Variants in ZNF606 observed in about 807,000 individuals in gnomAD.
ZNF606 encodes the protein zinc finger protein 328.
ZNF606 carries 37 observed loss-of-function variants against 74.9 expected under a neutral mutation model. The observed-to-expected ratio is 0.49, with a 90% CI of 0.38 to 0.65. The LOEUF is 0.65. Ranked by LOEUF, ZNF606 falls within the 30% of genes least tolerant of loss-of-function variation. The pLI, the probability that ZNF606 is intolerant of heterozygous loss-of-function variation, is 0.00. For missense variants in ZNF606, 852 were observed against 952.9 expected, an observed-to-expected ratio of 0.89 and a Z score of 1.39; for synonymous variants, 328 against 312.4, an observed-to-expected ratio of 1.05 and a Z score of -0.53.
chr19:57,988,358 G>C, intron 5 of ZNF606, 56 bp from the exon 6 acceptor site: 1 of 1,557,032 alleles, frequency 6.4e-7, no homozygotes, highest in Non-Finnish European at 8.8e-7. Context: ...GACAGCCAAA[G>C]AAAGCTTCTC....
At position 58,002,667 on chromosome 19, in the gene ZNF606, G is replaced by C. The variant is rs1410147480; in HGVS notation, c.-323C>G. The C allele has an allele frequency of 8.8e-6, 4 of 454,010 alleles. No individual in the cohort carries two copies. The highest frequency in any genetic ancestry group is 7.1e-5 in the Admixed American group (3 of 42,380). 28.1% of individuals were successfully genotyped at this position (454,010 alleles called of 1,614,324 possible). A position where few individuals can be genotyped will look rare whatever the true frequency, so the allele number is the denominator to read the frequency against. On this transcript the variant is annotated 5_prime_UTR_variant, in exon 1 of 7. Transcript: ENST00000551380. ...CGACGGCAACGACGGCGCAAAGCCG[G>C]CGCGGAAAGGGCAGGCGCAGGACCC...
Position 57,979,480 on chromosome 19 carries a change from A to G in ZNF606, c.1200T>C (p.Tyr400=), listed in dbSNP as rs2123260748. The part of the protein sequence containing the change: ...HTSTYTAEKP[Y]DYNECGTSFI... Reference sequence around the variant, plus strand: ...AAGACGTCCCACATTCATTGTAGTCATAGGGTTTCTCTGCAGTGTAAGTGC... The same window carrying G: ...AAGACGTCCCACATTCATTGTAGTCGTAGGGTTTCTCTGCAGTGTAAGTGC... The change falls in exon 7 of 7, where the codon TAT becomes TAC. Residue 400 remains tyrosine (Y), a synonymous_variant. Transcript: ENST00000551380. 1.2e-6 allele frequency: 2 copies of G among 1,614,156 alleles called. No homozygotes were observed. The highest frequency in any genetic ancestry group is 1.7e-6 in the Non-Finnish European group (2 of 1,180,018).
At chr19:57,984,968 G>A (rs534879126) in intron 6 of ZNF606, among the ~76,000 whole-genome samples, 69 of 152,152 alleles carry the variant, frequency 4.5e-4, no homozygotes, top group African/African-American at 1.5e-3. Context: ...GGTGTCGGGC[G>A]CCTGTAGTCC....
At chr19:57,994,579 C>T (rs2073306898) in intron 4 of ZNF606, among the ~76,000 whole-genome samples, 1 of 152,032 alleles carries the variant, frequency 6.6e-6, no homozygotes, top group Non-Finnish European at 1.5e-5. Flanking sequence ...ATTCAGAATG[C>T]ATGTGAAATA....
chr19:57,990,816 T>C (rs767600798), intron 4 of ZNF606, among the ~76,000 whole-genome samples: 5 of 152,204 alleles, frequency 3.3e-5, no homozygotes, highest in African/African-American at 4.8e-5. Context: ...TACCTTCACA[T>C]GATGGGCTTA....
intron 1 of ZNF606, chr19:58,002,183 C>T (rs915086330): frequency 2.2e-6 from 1 of 456,722 alleles, no homozygotes. Context: ...TTTAAGGGAA[C>T]CCGGAGCTGT....
At chr19:57,985,123 C>A (rs556995623) in intron 6 of ZNF606, among the ~76,000 whole-genome samples, 4 of 152,086 alleles carry the variant, frequency 2.6e-5, no homozygotes, top group South Asian at 4.1e-4. Context: ...ACAACAACAA[C>A]AAAAACACAA....
At chr19:57,994,179 T>C (rs766903174) in intron 4 of ZNF606, among the ~76,000 whole-genome samples, 5 of 151,530 alleles carry the variant, frequency 3.3e-5, no homozygotes, top group Non-Finnish European at 7.4e-5. Flanking sequence ...CTTCACAGAC[T>C]AAGAAAAGAA....
chr19:57,999,660 T>C, intron 4 of ZNF606, 148 bp downstream of exon 4: 1 of 761,554 alleles, frequency 1.3e-6, no homozygotes, highest in Non-Finnish European at 2.2e-6. Flanking sequence ...GGCCTAATTC[T>C]CCCTACCTGC....
intron 4 of ZNF606, among the ~76,000 whole-genome samples, chr19:57,992,880 A>AC (rs1252333128): frequency 1.3e-5 from 2 of 152,024 alleles, no homozygotes; most frequent in African/African-American, 2.4e-5. Flanking sequence ...GCTGAATAAC[A>AC]CCCCCCAAAG....
Position 57,979,580 on chromosome 19 carries a change from G to T in ZNF606, c.1100C>A (p.Thr367Asn). The T allele has an allele frequency of 6.2e-7, 1 of 1,613,026 alleles. No homozygotes were observed. The highest frequency in any genetic ancestry group is 1.7e-5 in the Admixed American group (1 of 59,896). ...SSFMEHQKIG[T>N]VEKAYKYNEW... is the part of the protein sequence containing the mutation. Reference sequence around the variant, plus strand: ...ATTGTATTTATACGCTTTCTCTACAGTACCAATTTTTTGATGTTCCATAAA... The same window carrying T: ...ATTGTATTTATACGCTTTCTCTACATTACCAATTTTTTGATGTTCCATAAA... Residue 367 changes from threonine to asparagine, a missense_variant, in exon 7 of 7, where the codon ACT (threonine) becomes AAT (asparagine). Physicochemically the swap from Thr to Asn is moderately conservative, Grantham distance 65. Coordinates refer to ENST00000551380, the MANE Select transcript of ZNF606 (RefSeq NM_001348022.3).
intron 6 of ZNF606, among the ~76,000 whole-genome samples, chr19:57,981,937 T>C (rs1271023395): frequency 6.6e-6 from 1 of 152,234 alleles, no homozygotes; most frequent in African/African-American, 2.4e-5. Context: ...AGACTCAGAA[T>C]CCAGCCAAAC....
At chr19:57,998,554 A>G (rs923508150) in intron 4 of ZNF606, 1 of 152,142 alleles carries the variant, frequency 6.6e-6, no homozygotes, top group Non-Finnish European at 1.5e-5. Flanking sequence ...GTTGGGAGGG[A>G]GTAGGGGAAA....
chr19:57,999,665 A>G, intron 4 of ZNF606, 143 bp downstream of exon 4: 2 of 796,994 alleles, frequency 2.5e-6, no homozygotes, highest in Non-Finnish European at 2.1e-6. Flanking sequence ...AATTCTCCCT[A>G]CCTGCTCTCA....
intron 4 of ZNF606, 37 bp downstream of exon 4, chr19:57,999,771 G>T (rs996568068): frequency 1.1e-5 from 17 of 1,594,676 alleles, no homozygotes; most frequent in Non-Finnish European, 1.4e-5. Flanking sequence ...GGATAACCTG[G>T]ACATCATCCT....
At chr19:57,995,277 A>T (rs1366971313) in intron 4 of ZNF606, among the ~76,000 whole-genome samples, 1 of 151,940 alleles carries the variant, frequency 6.6e-6, no homozygotes, top group Non-Finnish European at 1.5e-5. Context: ...CTACATAAAC[A>T]CGTGCACAAA....
At chr19:58,001,712 G>C (rs775389770) in intron 1 of ZNF606, among the ~76,000 whole-genome samples, 2 of 152,254 alleles carry the variant, frequency 1.3e-5, no homozygotes, top group Non-Finnish European at 2.9e-5. Context: ...GCCTAGAGCT[G>C]GGGGAAAAAT....
At chr19:57,984,895 C>A (rs1488480425) in intron 6 of ZNF606, among the ~76,000 whole-genome samples, 1 of 152,154 alleles carries the variant, frequency 6.6e-6, no homozygotes, top group African/African-American at 2.4e-5. Context: ...GAGATCAAGA[C>A]CATCCTGGCT....
intron 1 of ZNF606, chr19:58,002,131 C>G (rs1200717754): frequency 8.8e-6 from 4 of 456,038 alleles, no homozygotes; most frequent in Admixed American, 4.7e-5. Flanking sequence ...TACTTTGCAC[C>G]ATTATTTGCA....
Sources: allele counts gnomAD v4.1 joint callset (sites outside exome capture counted in the v4.1 genomes callset), GRCh38; gene constraint gnomAD v4.1.1; transcripts MANE v1.5; gene names NCBI Gene and HGNC (gene_info 2026-07-23, HGNC 2026-07-21).